BRIP1: variants seen among roughly 807,000 people sequenced by gnomAD.
BRIP1 encodes Fanconi anemia group J protein.
A neutral mutation model predicts 119.7 loss-of-function variants in BRIP1; 88 were observed. The ratio of observed to expected loss-of-function variants is 0.74; its 90% CI spans 0.62 to 0.88. BRIP1 has a LOEUF of 0.88. Ranked by LOEUF, BRIP1 falls within the 40% of genes least tolerant of loss-of-function variation. The probability of loss-of-function intolerance (pLI) is 0.00; values close to 1 mark genes in which losing one functional copy is unlikely to be tolerated. For synonymous variants in BRIP1, 443 were observed against 496.5 expected (o/e 0.89, Z 1.43); for missense variants, 1,259 against 1,455.4 (o/e 0.87, Z 2.20).
Position 61,762,330 on chromosome 17 carries a change from T to C in BRIP1, c.2097+14071A>G, listed in dbSNP as rs576584374. Among the ~76,000 whole-genome samples the C allele has an allele frequency of 4.6e-5, 7 of 152,070 alleles. No individual in the cohort carries two copies. Among genetic ancestry groups the C allele is most frequent in the Admixed American group, 1.3e-4 (2 of 15,246 alleles). On this transcript the variant is annotated intron_variant, in intron 14 of 19. Coordinates refer to ENST00000259008, the MANE Select transcript of BRIP1 (RefSeq NM_032043.3). The surrounding 1 kb of genome is among the most constrained non-coding windows in gnomAD (Gnocchi z 4.3). ...ACAGAGGGGGGAAAACTACATAACA[T>C]TGGTTTAGGCAATGATTTTTTGGAT...
rs1010212557 is a variant in BRIP1, at chr17:61,739,949, G to A, written c.2379+3064C>T. On this transcript the variant is annotated intron_variant, in intron 16 of 19. Transcript: ENST00000259008. This position sits in a 1 kb window ranked among gnomAD's most constrained non-coding sequence, Gnocchi z 6.0. Reference sequence around the variant, plus strand: ...TACAACTGTTTCTGGCCAAGATTGAGTAACTGGTTTAAGAATATTTCTTCC... The same window carrying A: ...TACAACTGTTTCTGGCCAAGATTGAATAACTGGTTTAAGAATATTTCTTCC... 2.0e-5 allele frequency among the ~76,000 whole-genome samples: 3 copies of A among 152,208 alleles called. No individual in the cohort carries two copies. The highest frequency in any genetic ancestry group is 4.4e-5 in the Non-Finnish European group (3 of 68,032).
intron 6 of BRIP1, among the ~76,000 whole-genome samples, chr17:61,838,110 G>A (rs951905057): frequency 6.6e-5 from 10 of 152,184 alleles, no homozygotes; most frequent in African/African-American, 2.2e-4. Flanking sequence ...TTTGAAAAAC[G>A]TGAAGACTAA....
rs2061328907 is a variant in BRIP1 at position 61,684,245 on chromosome 17, T to A, written c.2906-105A>T. 7.8e-7 allele frequency: 1 copy of A among 1,289,780 alleles called. No homozygotes were observed. Among genetic ancestry groups the A allele is most frequent in the East Asian group, 2.5e-5 (1 of 39,936 alleles). The allele number at this position is 1,289,780 out of a possible 1,614,324, so 79.9% of individuals were successfully genotyped here. The stretch of plus-strand genomic sequence containing the variant: ...GAAATACCTAAATAACTGTATAGGA[T>A]ACATAACTTAGAGCCCCCAACGAAT... On this transcript the variant is annotated intron_variant, in intron 19 of 19. Coordinates refer to ENST00000259008, the MANE Select transcript of BRIP1 (RefSeq NM_032043.3). This position sits in a 1 kb window ranked among gnomAD's most constrained non-coding sequence, Gnocchi z 4.5.
chr17:61,755,134 G>A lies in BRIP1; in HGVS notation c.2098-10543C>T, dbSNP rs1164315267. Among the ~76,000 whole-genome samples, 2 of 152,164 alleles carry A rather than the reference G, an allele frequency of 1.3e-5. No homozygotes were observed. The highest frequency in any genetic ancestry group is 2.9e-5 in the Non-Finnish European group (2 of 68,032). ...TAGAACAGTACCTTACATATAGAAA[G>A]TGGTCAGTAAATACTTTTTGAATGA... On this transcript the variant is annotated intron_variant, in intron 14 of 19. Transcript: ENST00000259008. This position sits in a 1 kb window ranked among gnomAD's most constrained non-coding sequence, Gnocchi z 4.5.
Position 61,804,702 on chromosome 17 carries a change from C to T in BRIP1, c.919-3228G>A, listed in dbSNP as rs887780762. ...CCGGCCAATGTATTTTTTACAAATA[C>T]ATAATAATTTCCCCATATATATATA... On this transcript the variant is annotated intron_variant, in intron 7 of 19. Coordinates refer to ENST00000259008, the MANE Select transcript of BRIP1 (RefSeq NM_032043.3). This position sits in a 1 kb window ranked among gnomAD's most constrained non-coding sequence, Gnocchi z 4.5. Among the ~76,000 whole-genome samples, 2 of 151,758 alleles carry T rather than the reference C, an allele frequency of 1.3e-5. No individual in the cohort carries two copies. The highest frequency in any genetic ancestry group is 2.9e-5 in the Non-Finnish European group (2 of 67,960).
At chr17:61,821,591 A>G (rs1322713604) in intron 6 of BRIP1, among the ~76,000 whole-genome samples, 3 of 151,566 alleles carry the variant, frequency 2.0e-5, no homozygotes, top group Non-Finnish European at 4.4e-5. Context: ...GTACAGTGAT[A>G]TAATCATAGT....
intron 10 of BRIP1, among the ~76,000 whole-genome samples, chr17:61,788,054 G>A (rs1429462405): frequency 6.6e-6 from 1 of 152,022 alleles, no homozygotes; most frequent in Non-Finnish European, 1.5e-5. Flanking sequence ...AAAGAAACCG[G>A]TCATTATTCA....
At position 61,799,035 on chromosome 17, in the gene BRIP1, G is replaced by A. The variant is rs2145296712; in HGVS notation, c.1340+65C>T. The stretch of plus-strand genomic sequence containing the variant: ...AAAGTTTACTAACTTTAAATACTCT[G>A]GCATAATCAAACATATTTTTCATAT... On this transcript the variant is annotated intron_variant, in intron 9 of 19. Coordinates refer to ENST00000259008, the MANE Select transcript of BRIP1 (RefSeq NM_032043.3). The surrounding 1 kb of genome is among the most constrained non-coding windows in gnomAD (Gnocchi z 5.1). 1 of 1,446,012 alleles carries A rather than the reference G, an allele frequency of 6.9e-7. No homozygotes were observed. The highest frequency in any genetic ancestry group is 2.3e-5 in the East Asian group (1 of 44,102). The allele number at this position is 1,446,012 out of a possible 1,614,324, so 89.6% of individuals were successfully genotyped here.
rs1330352712 is a variant in BRIP1 at position 61,780,504 on chromosome 17, G to A, written c.1795-103C>T. 8.6e-6 allele frequency: 9 copies of A among 1,051,898 alleles called. No individual in the cohort carries two copies. The highest frequency in any genetic ancestry group is 1.3e-5 in the Non-Finnish European group (9 of 681,660). 65.2% of individuals were successfully genotyped at this position (1,051,898 alleles called of 1,614,324 possible). On this transcript the variant is annotated intron_variant, in intron 12 of 19. Coordinates refer to ENST00000259008, the MANE Select transcript of BRIP1 (RefSeq NM_032043.3). The surrounding 1 kb of genome is among the most constrained non-coding windows in gnomAD (Gnocchi z 5.4). ...GCACTTTGGGAGGCTGAAGCAGGAA[G>A]ATCGCTTGAGTCTAGGAGTCTGAGA... is the stretch of plus-strand genomic sequence containing the variant.
At chr17:61,772,173 A>ATATATATATATATATTTT (rs1386665424) in intron 14 of BRIP1, among the ~76,000 whole-genome samples, 1 of 56,796 alleles carries the variant, frequency 1.8e-5, no homozygotes, top group African/African-American at 7.2e-5. Context: ...ATATATATAT[A>ATATATATATATATATTTT]TATATATATA....
rs1444925080 is a variant in BRIP1 at position 61,754,391 on chromosome 17, C to T, written c.2098-9800G>A. Reference sequence around the variant, plus strand: ...TCCTCTCTTCCTTTACACTTTTACTCACTGTCACCTTCTCAGATAGGCCTT... The same window carrying T: ...TCCTCTCTTCCTTTACACTTTTACTTACTGTCACCTTCTCAGATAGGCCTT... On this transcript the variant is annotated intron_variant, in intron 14 of 19. Coordinates refer to ENST00000259008, the MANE Select transcript of BRIP1 (RefSeq NM_032043.3). This position sits in a 1 kb window ranked among gnomAD's most constrained non-coding sequence, Gnocchi z 4.1. 6.6e-6 allele frequency among the ~76,000 whole-genome samples: 1 copy of T among 152,096 alleles called. No individual in the cohort carries two copies. The highest frequency in any genetic ancestry group is 1.5e-5 in the Non-Finnish European group (1 of 68,014).
At position 61,679,716 on chromosome 17, in the gene BRIP1, A is replaced by T. The variant is rs372023591; in HGVS notation, c.*3580T>A. 1.4e-4 allele frequency among the ~76,000 whole-genome samples: 21 copies of T among 152,336 alleles called. No homozygotes were observed. In the South Asian group the frequency reaches 4.3e-3, roughly 32 times the overall value. Reference sequence around the variant, plus strand: ...AGATATATGATTCATCTACTAATTAATAATGAATAACTTGCAATGTGCCAG... The same window carrying T: ...AGATATATGATTCATCTACTAATTATTAATGAATAACTTGCAATGTGCCAG... On this transcript the variant is annotated 3_prime_UTR_variant, in exon 20 of 20. Coordinates refer to ENST00000259008, the MANE Select transcript of BRIP1 (RefSeq NM_032043.3). This position sits in a 1 kb window ranked among gnomAD's most constrained non-coding sequence, Gnocchi z 4.4.
In BRIP1 at chr17:61,851,463, T is replaced by A. The variant is rs905399351; in HGVS notation, c.380-2207A>T. The stretch of plus-strand genomic sequence containing the variant: ...TTTTGTATATGGTATAAAGTAGGGC[T>A]CCAATTTCAATTTTTTCCATATGGA... On this transcript the variant is annotated intron_variant, in intron 4 of 19. Transcript: ENST00000259008. This position sits in a 1 kb window ranked among gnomAD's most constrained non-coding sequence, Gnocchi z 4.6. Among the ~76,000 whole-genome samples, 1 of 152,114 alleles carries A rather than the reference T, an allele frequency of 6.6e-6. No homozygotes were observed. The highest frequency in any genetic ancestry group is 1.5e-5 in the Non-Finnish European group (1 of 68,018).
Position 61,802,967 on chromosome 17 carries a change from T to C in BRIP1, c.919-1493A>G, listed in dbSNP as rs2078018025. ...CTTAAAAGTAAAAAATAGAATCTTG[T>C]TTTGATTTGTATTTTTTATAGTTTC... On this transcript the variant is annotated intron_variant, in intron 7 of 19. Transcript: ENST00000259008. This position sits in a 1 kb window ranked among gnomAD's most constrained non-coding sequence, Gnocchi z 6.0. Among the ~76,000 whole-genome samples, 8 of 152,198 alleles carry C rather than the reference T, an allele frequency of 5.3e-5. No homozygotes were observed.
chr17:61,857,240 G>T lies in BRIP1; in HGVS notation c.206-9C>A, dbSNP rs1193647766. 1 of 1,606,680 alleles carries T rather than the reference G, an allele frequency of 6.2e-7. No homozygotes were observed. The highest frequency in any genetic ancestry group is 8.5e-7 in the Non-Finnish European group (1 of 1,173,822). ...CTCATCTGCTGGTTTCCCTAAAAAT[G>T]AAAGAACATCTATTTATAATATATC... On this transcript the variant is annotated splice_polypyrimidine_tract_variant and intron_variant, in intron 3 of 19. Transcript: ENST00000259008. The surrounding 1 kb of genome is among the most constrained non-coding windows in gnomAD (Gnocchi z 5.1).
rs1441254515 is a variant in BRIP1, at chr17:61,713,949, G to C, written c.2492+2002C>G. ...TACAGCTGTATAATTTGTGTTTTAA[G>C]CTAAGTGTTGTAAAAGAGTCAAAAA... On this transcript the variant is annotated intron_variant, in intron 17 of 19. Transcript: ENST00000259008. This position sits in a 1 kb window ranked among gnomAD's most constrained non-coding sequence, Gnocchi z 4.9. 6.6e-6 allele frequency among the ~76,000 whole-genome samples: 1 copy of C among 151,934 alleles called. No individual in the cohort carries two copies. Among genetic ancestry groups the C allele is most frequent in the Non-Finnish European group, 1.5e-5 (1 of 67,990 alleles).
In BRIP1 at chr17:61,691,610, C is replaced by T. The variant is rs996294001; in HGVS notation, c.2575+1820G>A. On this transcript the variant is annotated intron_variant, in intron 18 of 19. Coordinates refer to ENST00000259008, the MANE Select transcript of BRIP1 (RefSeq NM_032043.3). This position sits in a 1 kb window ranked among gnomAD's most constrained non-coding sequence, Gnocchi z 5.0. ...AGTTGAGATTACAGGCACCCGCCAC[C>T]GCACCCGGCTAATTTTTGTATTTTT... Among the ~76,000 whole-genome samples, 2 of 152,134 alleles carry T rather than the reference C, an allele frequency of 1.3e-5. No individual in the cohort carries two copies. The highest frequency in any genetic ancestry group is 3.9e-4 in the East Asian group (2 of 5,182).
chr17:61,738,999 C>G lies in BRIP1; in HGVS notation c.2379+4014G>C, dbSNP rs141859267. The G allele has an allele frequency of 2.5e-5, 4 of 159,840 alleles. No individual in the cohort carries two copies. In the East Asian group the frequency reaches 6.1e-4, roughly 24 times the overall value. 9.9% of individuals were successfully genotyped at this position (159,840 alleles called of 1,614,324 possible). ...AAAGTTTTTCTTCTTTTCCAGGTCTCAAGAACTCATATGTAGGGTCCAAGG... is the reference window on the plus strand; with the variant it reads ...AAAGTTTTTCTTCTTTTCCAGGTCTGAAGAACTCATATGTAGGGTCCAAGG... On this transcript the variant is annotated intron_variant, in intron 16 of 19. Transcript: ENST00000259008. The surrounding 1 kb of genome is among the most constrained non-coding windows in gnomAD (Gnocchi z 4.2).
At position 61,851,727 on chromosome 17, in the gene BRIP1, T is replaced by G. The variant is rs1048965327; in HGVS notation, c.380-2471A>C. On this transcript the variant is annotated intron_variant, in intron 4 of 19. Transcript: ENST00000259008. The surrounding 1 kb of genome is among the most constrained non-coding windows in gnomAD (Gnocchi z 4.6). The stretch of plus-strand genomic sequence containing the variant: ...ACCTTGACCTGCTTCTTCAAAAGCA[T>G]CCTGGCTATCCTTAGTCCTTTGCAT... Among the ~76,000 whole-genome samples the G allele has an allele frequency of 6.6e-6, 1 of 152,190 alleles. No individual in the cohort carries two copies. The highest frequency in any genetic ancestry group is 6.5e-5 in the Admixed American group (1 of 15,274).
Sources: allele counts gnomAD v4.1 joint callset (sites outside exome capture counted in the v4.1 genomes callset), GRCh38; gene constraint gnomAD v4.1.1; non-coding constraint Gnocchi (gnomAD v3.1); transcripts MANE v1.5; gene names NCBI Gene and HGNC (gene_info 2026-07-23, HGNC 2026-07-21).